The following LGR4 variants were observed in gnomAD, a reference collection of about 807,000 sequenced individuals.
LGR4 encodes leucine rich repeat containing G protein-coupled receptor 4.
In LGR4, 44 loss-of-function variants were observed where a neutral mutation model predicts 84.8. The ratio of observed to expected loss-of-function variants is 0.52; its 90% CI spans 0.41 to 0.67. The LOEUF (loss-of-function observed/expected upper bound fraction) is 0.67, where lower values mean the gene tolerates loss of function less well. LGR4 is among the 30% of genes least tolerant of loss of function. LGR4 has a pLI of 0.00. For missense variants in LGR4, 1,032 were observed against 1,131.4 expected (o/e 0.91, Z 1.26); for synonymous variants, 429 against 434.3 (o/e 0.99, Z 0.15).
intron 1 of LGR4, among the ~76,000 whole-genome samples, chr11:27,435,599 T>C (rs982729190): frequency 2.0e-5 from 3 of 151,310 alleles, no homozygotes; most frequent in African/African-American, 7.3e-5. Context: ...GCTATTCTCC[T>C]GCCTCAGCCT....
intron 1 of LGR4, among the ~76,000 whole-genome samples, chr11:27,425,983 G>A (rs554130664): frequency 6.6e-6 from 1 of 152,172 alleles, no homozygotes; most frequent in Non-Finnish European, 1.5e-5. Flanking sequence ...CTAGTGCCAT[G>A]TGTGGTCATA....
At chr11:27,390,030 C>G (rs1282392812) in intron 4 of LGR4, among the ~76,000 whole-genome samples, 4 of 152,088 alleles carry the variant, frequency 2.6e-5, no homozygotes, top group African/African-American at 9.7e-5. Flanking sequence ...GGGTTAGATA[C>G]AGTTTAAAGT....
chr11:27,394,507 A>C (rs1169348635), intron 2 of LGR4, among the ~76,000 whole-genome samples: 1 of 152,100 alleles, frequency 6.6e-6, no homozygotes. Flanking sequence ...GATTCAAGCA[A>C]TTCTCCTACC....
intron 4 of LGR4, among the ~76,000 whole-genome samples, chr11:27,386,829 C>T (rs906027611): frequency 2.0e-5 from 3 of 152,174 alleles, no homozygotes; most frequent in East Asian, 1.9e-4. Context: ...GGATATTGAG[C>T]GGCTGCCTTA....
In LGR4 at chr11:27,380,186, C is replaced by G. The variant is rs535694626; in HGVS notation, c.971+85G>C. ...ACCGGAGGAATCAACATAAACCCAT[C>G]ATTGTCACTAAAAGACCCTGGCACC... On this transcript the variant is annotated intron_variant, in intron 10 of 17. Transcript: ENST00000379214. The G allele has an allele frequency of 5.2e-6, 4 of 773,998 alleles. No individual in the cohort carries two copies. The East Asian group carries it at 1.0e-4, about 20-fold the overall frequency. 47.9% of individuals were successfully genotyped at this position (773,998 alleles called of 1,614,324 possible).
At chr11:27,376,943 C>G (rs190460551) in intron 12 of LGR4, among the ~76,000 whole-genome samples, 11 of 152,110 alleles carry the variant, frequency 7.2e-5, no homozygotes, top group South Asian at 6.2e-4. Flanking sequence ...CCAACTCCCC[C>G]CCGCATAGCG....
chr11:27,387,925 G>T (rs529991411), intron 4 of LGR4, among the ~76,000 whole-genome samples: 1 of 152,210 alleles, frequency 6.6e-6, no homozygotes, highest in African/African-American at 2.4e-5. Flanking sequence ...GTATACAACC[G>T]TTAAACTCTT....
intron 2 of LGR4, 50 bp downstream of exon 2, chr11:27,412,739 A>C (rs1490629737): frequency 1.8e-6 from 2 of 1,116,316 alleles, no homozygotes; most frequent in Non-Finnish European, 2.7e-6. Flanking sequence ...AGCTTCCAAA[A>C]TGAATTGGGG....
intron 1 of LGR4, among the ~76,000 whole-genome samples, chr11:27,453,359 G>A (rs535788735): frequency 2.0e-5 from 3 of 152,286 alleles, no homozygotes; most frequent in Admixed American, 6.5e-5. Flanking sequence ...GAGCCACCAC[G>A]CCCGGCCAAG....
At chr11:27,434,627 C>T (rs978313192) in intron 1 of LGR4, among the ~76,000 whole-genome samples, 1 of 152,148 alleles carries the variant, frequency 6.6e-6, no homozygotes, top group Non-Finnish European at 1.5e-5. Flanking sequence ...AACGCAGTGG[C>T]TAAAGACAAT....
intron 1 of LGR4, among the ~76,000 whole-genome samples, chr11:27,433,598 G>T (rs1432501528): frequency 6.6e-6 from 1 of 152,022 alleles, no homozygotes; most frequent in Non-Finnish European, 1.5e-5. Flanking sequence ...TCCTCCCTGT[G>T]AATGTTTCTC....
intron 4 of LGR4, 68 bp from the exon 5 acceptor site, chr11:27,385,536 A>T: frequency 1.0e-6 from 1 of 981,406 alleles, no homozygotes. Flanking sequence ...CAAGTCTCAC[A>T]ACTCAAAGCT....
chr11:27,472,424 G>A lies in LGR4; in HGVS notation c.-122C>T. On this transcript the variant is annotated 5_prime_UTR_variant, in exon 1 of 18. Coordinates refer to ENST00000379214, the MANE Select transcript of LGR4 (RefSeq NM_018490.5). Reference sequence around the variant, plus strand: ...CTGGAGCGGGGGTCTCTTCCTCGGCGGTCCGCGCGGGCTCGGCCCCTTCAG... The same window carrying A: ...CTGGAGCGGGGGTCTCTTCCTCGGCAGTCCGCGCGGGCTCGGCCCCTTCAG... 1.4e-6 allele frequency: 1 copy of A among 715,050 alleles called. No individual in the cohort carries two copies. The highest frequency in any genetic ancestry group is 4.5e-5 in the Admixed American group (1 of 22,280). The allele number at this position is 715,050 out of a possible 1,614,324, so 44.3% of individuals were successfully genotyped here.
intron 1 of LGR4, among the ~76,000 whole-genome samples, chr11:27,450,401 T>C (rs1173649565): frequency 6.6e-6 from 1 of 152,178 alleles, no homozygotes; most frequent in Non-Finnish European, 1.5e-5. Flanking sequence ...TGGTAGAAAA[T>C]AGACACTTTC....
intron 1 of LGR4, among the ~76,000 whole-genome samples, chr11:27,424,410 G>A (rs531088613): frequency 6.6e-6 from 1 of 152,158 alleles, no homozygotes; most frequent in Non-Finnish European, 1.5e-5. Flanking sequence ...GAGGTGGGAT[G>A]ACTGCTTAAG....
intron 14 of LGR4, 135 bp from the exon 15 acceptor site, chr11:27,373,811 CA>C (rs2133363010): frequency 9.7e-7 from 1 of 1,029,504 alleles, no homozygotes; most frequent in African/African-American, 1.6e-5. Context: ...ATAGTTCTAG[CA>C]TGTATCTTGC....
rs1431640326 is a variant in LGR4, at chr11:27,372,311, G to A, written c.1467C>T (p.Leu489=). 3.7e-6 allele frequency: 6 copies of A among 1,612,710 alleles called. No individual in the cohort carries two copies. The highest frequency in any genetic ancestry group is 4.2e-6 in the Non-Finnish European group (5 of 1,178,916). Residue 489 remains leucine, a synonymous_variant, in exon 16 of 18, where the codon CTC becomes CTT. Coordinates refer to ENST00000379214, the MANE Select transcript of LGR4 (RefSeq NM_018490.5). ...TCTCCTGTGCCACACTGTGGTCCTGGAGGCTGTTATCTTCTGTGTTTAAAT... is the reference window on the plus strand; with the variant it reads ...TCTCCTGTGCCACACTGTGGTCCTGAAGGCTGTTATCTTCTGTGTTTAAAT... ...YANLNTEDNS[L]QDHSVAQEKG...
rs147452692 is a variant in LGR4 at position 27,384,356 on chromosome 11, T to C, written c.669A>G (p.Gly223=). Residue 223 remains glycine (G), a synonymous_variant, in exon 6 of 18, where the codon GGA becomes GGG. Coordinates refer to ENST00000379214, the MANE Select transcript of LGR4 (RefSeq NM_018490.5). ...CTTACAAGGTCTCCAGGTTATCTAG[T>C]CCATCAAAACAGTGTTGACTCAGGC... ...IRSLSQHCFD[G]LDNLETLDLN... 30 of 1,607,760 alleles carry C rather than the reference T, an allele frequency of 1.9e-5. No individual in the cohort carries two copies. In the African/African-American group the frequency reaches 3.3e-4, roughly 18 times the overall value.
At chr11:27,426,194 C>T (rs577456071) in intron 1 of LGR4, among the ~76,000 whole-genome samples, 1 of 152,094 alleles carries the variant, frequency 6.6e-6, no homozygotes, top group African/African-American at 2.4e-5. Context: ...AATAAGTTTC[C>T]GGGAAAGACC....
Sources: allele counts gnomAD v4.1 joint callset (sites outside exome capture counted in the v4.1 genomes callset), GRCh38; gene constraint gnomAD v4.1.1; transcripts MANE v1.5; gene names NCBI Gene and HGNC (gene_info 2026-07-23, HGNC 2026-07-21).